Variants in ADGRV1 observed in about 807,000 individuals in gnomAD.
ADGRV1 encodes G-protein coupled receptor 98.
In ADGRV1, 359 loss-of-function variants were observed where a neutral mutation model predicts 596.2. The observed-to-expected ratio is 0.60, with a 90% CI of 0.55 to 0.66. The LOEUF is 0.66. Among genes scored for constraint, ADGRV1 ranks in the 30% least tolerant of loss-of-function variants. The probability of loss-of-function intolerance (pLI) is 0.00; values close to 1 mark genes in which losing one functional copy is unlikely to be tolerated. For missense variants in ADGRV1, 7,274 were observed against 7,575.6 expected, an observed-to-expected ratio of 0.96 and a Z score of 1.48; for synonymous variants, 2,681 against 2,679.2, an observed-to-expected ratio of 1.00 and a Z score of -0.02.
At chr5:90,958,349 A>T (rs1777690258) in intron 83 of ADGRV1, among the ~76,000 whole-genome samples, 1 of 151,946 alleles carries the variant, frequency 6.6e-6, no homozygotes, top group Non-Finnish European at 1.5e-5. Flanking sequence ...ATTTTGGATA[A>T]TTTCAATAGG....
At chr5:90,814,354 C>T (rs1034121558) in intron 74 of ADGRV1, among the ~76,000 whole-genome samples, 5 of 152,164 alleles carry the variant, frequency 3.3e-5, no homozygotes, top group Non-Finnish European at 7.4e-5. Context: ...GTTTCCTTAA[C>T]CCAACCTACT....
intron 85 of ADGRV1, among the ~76,000 whole-genome samples, chr5:91,001,173 A>G (rs914230143): frequency 6.6e-6 from 1 of 151,866 alleles, no homozygotes; most frequent in African/African-American, 2.4e-5. Context: ...AACTTCCTGG[A>G]CTCAAGTGAT....
intron 1 of ADGRV1, among the ~76,000 whole-genome samples, chr5:90,568,155 G>C (rs923789320): frequency 6.6e-6 from 1 of 151,742 alleles, no homozygotes; most frequent in African/African-American, 2.4e-5. Context: ...CCTTCTGCTT[G>C]ATTTGGGTTT....
At chr5:90,837,974 A>G (rs1765111809) in intron 77 of ADGRV1, among the ~76,000 whole-genome samples, 1 of 152,170 alleles carries the variant, frequency 6.6e-6, no homozygotes, top group African/African-American at 2.4e-5. Flanking sequence ...CTATTCTTAT[A>G]TATTATTTGG....
At chr5:90,766,313 G>A (rs547022667) in intron 59 of ADGRV1, among the ~76,000 whole-genome samples, 3 of 152,026 alleles carry the variant, frequency 2.0e-5, no homozygotes, top group East Asian at 1.9e-4. Context: ...AATCAACCAC[G>A]CTGGATGTCT....
chr5:90,750,085 C>T (rs1328551053), intron 52 of ADGRV1, among the ~76,000 whole-genome samples: 1 of 152,130 alleles, frequency 6.6e-6, no homozygotes, highest in Non-Finnish European at 1.5e-5. Flanking sequence ...TGTTGGAAAC[C>T]ATATAGGTCA....
chr5:91,031,193 A>G (rs1026151885), intron 85 of ADGRV1: 1 of 1,513,284 alleles, frequency 6.6e-7, no homozygotes, highest in Non-Finnish European at 9.1e-7. Flanking sequence ...AAGAAGAGTA[A>G]TCGAGATTTC....
At chr5:90,684,342 T>TA in intron 28 of ADGRV1, 147 bp downstream of exon 28, 7 of 734,444 alleles carry the variant, frequency 9.5e-6, no homozygotes, top group Middle Eastern at 4.0e-4. Flanking sequence ...ACCTGTAAGG[T>TA]AACTGGAAGC....
rs536937528 is a variant in ADGRV1, at chr5:90,596,278, C to G, written c.23-18557C>G. The stretch of plus-strand genomic sequence containing the variant: ...CTCACTTCCCAGATAGGATGGCCGC[C>G]GGGCAGAGACGCTCCTCACTTTCCA... On this transcript the variant is annotated intron_variant, in intron 1 of 89. Transcript: ENST00000405460. Among the ~76,000 whole-genome samples the G allele has an allele frequency of 9.2e-5, 14 of 151,588 alleles. No individual in the cohort carries two copies. In the East Asian group the frequency reaches 1.6e-3, roughly 17 times the overall value.
Position 91,094,732 on chromosome 5 carries a change from C to G in ADGRV1, c.18311-7487C>G, listed in dbSNP as rs571127028. Among the ~76,000 whole-genome samples the G allele has an allele frequency of 3.3e-5, 5 of 152,178 alleles. No individual in the cohort carries two copies. In the South Asian group the frequency reaches 1.0e-3, roughly 32 times the overall value. ...CGGTGCGAATGGTGATACCAGTACT[C>G]AGGAGGAGGAAAAAGTGTGATGAGA... On this transcript the variant is annotated intron_variant, in intron 86 of 89. Transcript: ENST00000405460.
chr5:91,157,012 G>T (rs1484921945), intron 89 of ADGRV1, among the ~76,000 whole-genome samples: 2 of 152,194 alleles, frequency 1.3e-5, no homozygotes, highest in African/African-American at 2.4e-5. Flanking sequence ...CGAGCACAGC[G>T]CTGCTTGCTT....
intron 21 of ADGRV1, among the ~76,000 whole-genome samples, chr5:90,667,661 C>T (rs1282187986): frequency 2.0e-5 from 3 of 151,988 alleles, no homozygotes; most frequent in South Asian, 4.2e-4. Context: ...TGAGGAACTG[C>T]GTTCCTTTGG....
chr5:90,592,745 T>C (rs57536334), intron 1 of ADGRV1, among the ~76,000 whole-genome samples: 1 of 151,786 alleles, frequency 6.6e-6, no homozygotes, highest in East Asian at 1.9e-4. Flanking sequence ...TTAAACAAAT[T>C]CACAAGGAAA....
intron 39 of ADGRV1, 28 bp downstream of exon 39, chr5:90,708,937 T>G (rs764388453): frequency 1.0e-5 from 15 of 1,439,736 alleles, no homozygotes; most frequent in Middle Eastern, 1.7e-4. Flanking sequence ...TTTGTTTCTT[T>G]TTGCTCACTT....
At chr5:91,137,122 C>T (rs1369648293) in intron 87 of ADGRV1, among the ~76,000 whole-genome samples, 1 of 151,996 alleles carries the variant, frequency 6.6e-6, no homozygotes, top group African/African-American at 2.4e-5. Flanking sequence ...TTCTTGTTTT[C>T]CCTTTTCTTT....
At chr5:90,833,706 C>T (rs187792285) in intron 77 of ADGRV1, among the ~76,000 whole-genome samples, 109 of 152,090 alleles carry the variant, frequency 7.2e-4, no homozygotes, top group Non-Finnish European at 1.3e-3. Flanking sequence ...GGTTCACTGT[C>T]GGCATATAGA....
chr5:91,150,314 T>C, intron 88 of ADGRV1, 93 bp downstream of exon 88: 1 of 974,722 alleles, frequency 1.0e-6, no homozygotes, highest in Non-Finnish European at 1.4e-6. Flanking sequence ...TCTGTCTCAT[T>C]GACAGGCTCT....
chr5:91,018,370 T>A (rs1454217396), intron 85 of ADGRV1, among the ~76,000 whole-genome samples: 1 of 151,920 alleles, frequency 6.6e-6, no homozygotes, highest in Non-Finnish European at 1.5e-5. Context: ...GGAGATGCCT[T>A]TGGTAAACTG....
At chr5:91,037,164 G>T (rs1784980002) in intron 85 of ADGRV1, among the ~76,000 whole-genome samples, 1 of 152,184 alleles carries the variant, frequency 6.6e-6, no homozygotes, top group South Asian at 2.1e-4. Flanking sequence ...GCATGCAGTG[G>T]ACTTGCATCA....
Sources: allele counts gnomAD v4.1 joint callset (sites outside exome capture counted in the v4.1 genomes callset), GRCh38; gene constraint gnomAD v4.1.1; transcripts MANE v1.5; gene names NCBI Gene and HGNC (gene_info 2026-07-23, HGNC 2026-07-21).